ANKRD45: variants seen among roughly 807,000 people sequenced by gnomAD.
ANKRD45 encodes ankyrin repeat domain-containing protein 45.
ANKRD45 carries 21 observed loss-of-function variants against 28.1 expected under a neutral mutation model. The observed-to-expected ratio is 0.75, with a 90% CI of 0.53 to 1.08. ANKRD45 has a LOEUF of 1.08. ANKRD45 is among the 50% of genes least tolerant of loss of function. ANKRD45 has a pLI of 0.00. For missense variants in ANKRD45, 261 were observed against 308.7 expected, an observed-to-expected ratio of 0.85 and a Z score of 1.16; for synonymous variants, 86 against 103.9, an observed-to-expected ratio of 0.83 and a Z score of 1.05.
At chr1:173,648,383 T>C (rs1669030184) in intron 2 of ANKRD45, among the ~76,000 whole-genome samples, 1 of 152,198 alleles carries the variant, frequency 6.6e-6, no homozygotes, top group Admixed American at 6.5e-5. Flanking sequence ...CACTCTGAAC[T>C]TTTTGATCCA....
chr1:173,657,069 C>T (rs1669555659), intron 2 of ANKRD45, among the ~76,000 whole-genome samples: 2 of 149,476 alleles, frequency 1.3e-5, no homozygotes, highest in Non-Finnish European at 3.0e-5. Context: ...TGAGCCACCA[C>T]ACCTGGCTCT....
At chr1:173,686,379 C>G in the ANKRD45 span, among the ~76,000 whole-genome samples, 2 of 152,230 alleles carry the variant, frequency 1.3e-5, no homozygotes, top group African/African-American at 2.4e-5. Flanking sequence ...GCCCACGACT[C>G]TAGAGGGGAT....
the ANKRD45 span, among the ~76,000 whole-genome samples, chr1:173,705,135 C>A: frequency 3.9e-5 from 6 of 152,250 alleles, no homozygotes; most frequent in East Asian, 1.2e-3. Context: ...GTCAACAGCA[C>A]TTCTAGCATC....
the ANKRD45 span, among the ~76,000 whole-genome samples, chr1:173,705,702 A>G: frequency 1.3e-5 from 2 of 152,034 alleles, no homozygotes; most frequent in Non-Finnish European, 2.9e-5. Flanking sequence ...GATTTTGCTT[A>G]AGTGAATTTT....
intron 3 of ANKRD45, chr1:173,636,854 C>A (rs1668467577): frequency 2.1e-5 from 32 of 1,535,478 alleles, no homozygotes; most frequent in Non-Finnish European, 2.6e-5. Context: ...CTTAGAAAAA[C>A]CTGGTAATGA....
rs550788450 is a variant in ANKRD45 at position 173,667,644 on chromosome 1, T to G, written c.-16+2173A>C. 47 of 353,530 alleles carry G rather than the reference T, an allele frequency of 1.3e-4. No individual in the cohort carries two copies. The Admixed American group carries it at 1.7e-3, about 13-fold the overall frequency. 21.9% of individuals were successfully genotyped at this position (353,530 alleles called of 1,614,324 possible). ...TCACTGGAACCCAGGAGGCAGAGGT[T>G]GCAGTGAGCTAAGATCACCCCACTG... On this transcript the variant is annotated intron_variant, in intron 1 of 5. Transcript: ENST00000333279.
At chr1:173,671,061 C>T (rs186350694), upstream of ANKRD45, among the ~76,000 whole-genome samples, 2 of 152,298 alleles carry the variant, frequency 1.3e-5, no homozygotes, top group African/African-American at 4.8e-5. Context: ...TCTTCCCCAA[C>T]GTTGCCTAAG....
chr1:173,633,109 C>T (rs1257962389), intron 3 of ANKRD45, among the ~76,000 whole-genome samples: 1 of 151,532 alleles, frequency 6.6e-6, no homozygotes, highest in East Asian at 1.9e-4. Flanking sequence ...AAGACTCCAC[C>T]AAACAATTAT....
At chr1:173,666,014 C>CA (rs1213826616) in intron 1 of ANKRD45, among the ~76,000 whole-genome samples, 1 of 151,734 alleles carries the variant, frequency 6.6e-6, no homozygotes, top group Non-Finnish European at 1.5e-5. Context: ...ACCCTGTCTC[C>CA]AAAAAACAAC....
At chr1:173,675,740 T>C in the ANKRD45 span, among the ~76,000 whole-genome samples, 1 of 152,210 alleles carries the variant, frequency 6.6e-6, no homozygotes, top group African/African-American at 2.4e-5. Context: ...ACATAATTTT[T>C]CTTTATCCAG....
the ANKRD45 span, among the ~76,000 whole-genome samples, chr1:173,677,531 A>G: frequency 1.3e-5 from 2 of 152,096 alleles, no homozygotes; most frequent in Admixed American, 6.6e-5. Context: ...CTCTTCCTCA[A>G]TAGTCCCTGG....
At chr1:173,628,131 G>C (rs368553299) in intron 3 of ANKRD45, among the ~76,000 whole-genome samples, 12 of 151,856 alleles carry the variant, frequency 7.9e-5, no homozygotes, top group African/African-American at 2.9e-4. Context: ...ATGATACCTA[G>C]GCAGTACTCA....
intron 3 of ANKRD45, among the ~76,000 whole-genome samples, chr1:173,637,415 TC>T (rs1316589900): frequency 3.9e-5 from 6 of 152,218 alleles, no homozygotes; most frequent in African/African-American, 7.2e-5. Flanking sequence ...TGTTCTTAGC[TC>T]CCACATTTTA....
chr1:173,677,151 T>C, the ANKRD45 span, among the ~76,000 whole-genome samples: 1 of 151,726 alleles, frequency 6.6e-6, no homozygotes, highest in Non-Finnish European at 1.5e-5. Flanking sequence ...AAATAAGTCA[T>C]TCATTTAACC....
rs7539322 is a variant in ANKRD45 at position 173,646,826 on chromosome 1, C to A, written c.496+20G>T. 11 of 1,609,518 alleles carry A rather than the reference C, an allele frequency of 6.8e-6. No individual in the cohort carries two copies. The highest frequency in any genetic ancestry group is 9.3e-6 in the Non-Finnish European group (11 of 1,176,842). On this transcript the variant is annotated intron_variant, in intron 3 of 5. Transcript: ENST00000333279. ...CTCATCACATCAGTCAGTTTGCTAA[C>A]CCCTTGTGAGCTTCCTTACCTGCCC...
intron 5 of ANKRD45, among the ~76,000 whole-genome samples, chr1:173,610,645 T>C (rs527962987): frequency 6.6e-6 from 1 of 151,684 alleles, no homozygotes; most frequent in African/African-American, 2.4e-5. Flanking sequence ...GGAGGGGGGA[T>C]TGTTGGGCCA....
rs559652741 is a variant in ANKRD45, at chr1:173,637,442, C to T, written c.496+9404G>A. Among the ~76,000 whole-genome samples the T allele has an allele frequency of 7.9e-5, 12 of 152,300 alleles. No individual in the cohort carries two copies. The East Asian group carries it at 2.3e-3, about 29-fold the overall frequency. On this transcript the variant is annotated intron_variant, in intron 3 of 5. Transcript: ENST00000333279. ...CCACATTTTAGCATAGGTATTTGCC[C>T]TGGCATGCCTGAATAGGTCCAAGCA... is the stretch of plus-strand genomic sequence containing the variant.
chr1:173,660,292 T>C (rs147916522), intron 1 of ANKRD45, among the ~76,000 whole-genome samples: 1 of 152,260 alleles, frequency 6.6e-6, no homozygotes, highest in East Asian at 1.9e-4. Flanking sequence ...GTCCCTTCAT[T>C]ACGTACAAGA....
chr1:173,690,055 GCCCCCCGCCCCCC>G, the ANKRD45 span, among the ~76,000 whole-genome samples: 1 of 46,200 alleles, frequency 2.2e-5, no homozygotes, highest in South Asian at 6.5e-4. Context: ...GCCAATGCCT[GCCCCCCGCCCCCC>G]CCCCCCCCGA....
Sources: gnomAD v4.1 joint callset for allele counts (sites outside exome capture counted in the v4.1 genomes callset) on GRCh38, gnomAD v4.1.1 for gene constraint, MANE v1.5 for transcripts, NCBI Gene and HGNC (gene_info 2026-07-23, HGNC 2026-07-21) for gene names.